Variants in ADCY2 observed in about 807,000 individuals in gnomAD.
The protein encoded by ADCY2 is adenylate cyclase type 2.
A neutral mutation model predicts 125.2 loss-of-function variants in ADCY2; 31 were observed. That is an observed-to-expected ratio of 0.25 (90% CI 0.19 to 0.33). The LOEUF (loss-of-function observed/expected upper bound fraction) is 0.33. ADCY2 is among the 10% of genes least tolerant of loss of function. The pLI is 1.00. For missense variants in ADCY2, 904 were observed against 1,418.2 expected (o/e 0.64, Z 5.82); for synonymous variants, 512 against 548.4 (o/e 0.93, Z 0.93).
At chr5:7,825,015 C>T (rs1745421651) in intron 24 of ADCY2, among the ~76,000 whole-genome samples, 1 of 152,078 alleles carries the variant, frequency 6.6e-6, no homozygotes, top group Non-Finnish European at 1.5e-5. Flanking sequence ...CATAACACCC[C>T]TGTGTGCCAT....
At chr5:7,585,261 T>A (rs1239598935) in intron 3 of ADCY2, among the ~76,000 whole-genome samples, 1 of 152,212 alleles carries the variant, frequency 6.6e-6, no homozygotes, top group Non-Finnish European at 1.5e-5. Flanking sequence ...AGATGAGCAT[T>A]CCCTGTCAAA....
rs869287430 is a variant in ADCY2 at position 7,418,647 on chromosome 5, GTT to G, written c.408+3902_408+3903del. Among the ~76,000 whole-genome samples the G allele has an allele frequency of 9.7e-3, 712 of 73,614 alleles. 4 individuals are homozygous for G. Among genetic ancestry groups the G allele is most frequent in the African/African-American group, 0.042 (664 of 15,932 alleles). 48.3% of individuals were successfully genotyped at this position (73,614 alleles called of 152,430 possible). A position where few individuals can be genotyped will look rare whatever the true frequency, so the allele number is the denominator to read the frequency against. ...AATTAAAAACAAAAGTCTACCTTCT[GTT>G]TTTTTTTTTTTTTTTTTTTTTTTTG... is the stretch of plus-strand genomic sequence containing the variant. On this transcript the variant is annotated intron_variant, in intron 2 of 24. Transcript: ENST00000338316.
chr5:7,507,460 AAGG>A (rs1186802440), intron 2 of ADCY2, among the ~76,000 whole-genome samples: 3 of 148,672 alleles, frequency 2.0e-5, no homozygotes, highest in African/African-American at 7.5e-5. Flanking sequence ...AAAAAAAAAA[AAGG>A]TAACAAAGCC....
At chr5:7,544,813 G>C (rs1433190203) in intron 3 of ADCY2, among the ~76,000 whole-genome samples, 1 of 152,174 alleles carries the variant, frequency 6.6e-6, no homozygotes, top group Admixed American at 6.5e-5. Context: ...TCCTCCTGGA[G>C]ACATGAGAAA....
intron 4 of ADCY2, among the ~76,000 whole-genome samples, chr5:7,658,425 G>A (rs1433921094): frequency 7.0e-6 from 1 of 143,308 alleles, no homozygotes; most frequent in Non-Finnish European, 1.5e-5. Flanking sequence ...GTGTGTGTGT[G>A]TGTGTGTATA....
chr5:7,530,556 GT>G (rs1734606871), intron 3 of ADCY2, among the ~76,000 whole-genome samples: 1 of 151,758 alleles, frequency 6.6e-6, no homozygotes, highest in Non-Finnish European at 1.5e-5. Flanking sequence ...CCGCGAAGCT[GT>G]TTTAAATGAC....
At position 7,727,202 on chromosome 5, in the gene ADCY2, G is replaced by C. The variant is rs757395078; in HGVS notation, c.1812G>C (p.Val604=). The stretch of plus-strand genomic sequence containing the variant: ...CACTGCCAGCGTTCAAGTATTATGT[G>C]ACTTGTGCCTGTCTCATATTCTTCT... The part of the protein sequence containing the change: ...ATALPAFKYY[V]TCACLIFFCI... The change falls in exon 14 of 25, where the codon GTG becomes GTC. Residue 604 remains valine (V), a synonymous_variant. Coordinates refer to ENST00000338316, the MANE Select transcript of ADCY2 (RefSeq NM_020546.3). 41 of 1,614,030 alleles carry C rather than the reference G, an allele frequency of 2.5e-5. No individual in the cohort carries two copies. The highest frequency in any genetic ancestry group is 3.5e-5 in the Non-Finnish European group (41 of 1,180,020).
intron 18 of ADCY2, among the ~76,000 whole-genome samples, chr5:7,774,906 T>G (rs1330511945): frequency 6.6e-6 from 1 of 152,210 alleles, no homozygotes; most frequent in Non-Finnish European, 1.5e-5. Flanking sequence ...ATGAGATGTT[T>G]TCATACATCT....
intron 3 of ADCY2, among the ~76,000 whole-genome samples, chr5:7,603,371 G>A (rs1029626162): frequency 6.6e-6 from 1 of 152,196 alleles, no homozygotes; most frequent in African/African-American, 2.4e-5. Flanking sequence ...AGGTTGTGCT[G>A]GTGTTCACAT....
At chr5:7,650,232 A>G (rs968157839) in intron 4 of ADCY2, among the ~76,000 whole-genome samples, 1 of 151,574 alleles carries the variant, frequency 6.6e-6, no homozygotes, top group Non-Finnish European at 1.5e-5. Flanking sequence ...ACACACACAC[A>G]CACACACACA....
chr5:7,560,700 T>C (rs1310194723), intron 3 of ADCY2, among the ~76,000 whole-genome samples: 3 of 152,144 alleles, frequency 2.0e-5, no homozygotes, highest in African/African-American at 7.2e-5. Context: ...TAACAGGTTT[T>C]TTTTTTGAGA....
intron 15 of ADCY2, among the ~76,000 whole-genome samples, chr5:7,746,756 T>A (rs1012846702): frequency 4.6e-5 from 7 of 152,248 alleles, no homozygotes; most frequent in African/African-American, 1.7e-4. Flanking sequence ...ATTTGTGCTC[T>A]AATACCAGCT....
At position 7,506,789 on chromosome 5, in the gene ADCY2, C is replaced by CTT. The variant is rs70940743; in HGVS notation, c.409-13921_409-13920dup. 1.2e-3 allele frequency among the ~76,000 whole-genome samples: 65 copies of CTT among 55,060 alleles called. 10 individuals carry two copies. Among genetic ancestry groups the CTT allele is most frequent in the East Asian group, 6.5e-3 (12 of 1,850 alleles). 36.1% of individuals were successfully genotyped at this position (55,060 alleles called of 152,430 possible). On this transcript the variant is annotated intron_variant, in intron 2 of 24. Transcript: ENST00000338316. ...AGGGGTAAATGTGTGATGCGTTGCTCTTTTTTTTTTTTTTTTTTTTTTTTT... is the reference window on the plus strand; with the variant it reads ...AGGGGTAAATGTGTGATGCGTTGCTCTTTTTTTTTTTTTTTTTTTTTTTTTTT...
chr5:7,601,275 T>C (rs1490540560), intron 3 of ADCY2, among the ~76,000 whole-genome samples: 2 of 152,156 alleles, frequency 1.3e-5, no homozygotes, highest in Admixed American at 6.5e-5. Flanking sequence ...TAATATTAAG[T>C]TATTAATAGC....
intron 2 of ADCY2, among the ~76,000 whole-genome samples, chr5:7,490,318 G>A (rs548697409): frequency 6.6e-6 from 1 of 152,222 alleles, no homozygotes; most frequent in East Asian, 1.9e-4. Context: ...TATTTTCAAA[G>A]GAGAGTATTT....
At chr5:7,669,172 G>C (rs548030713) in intron 4 of ADCY2, among the ~76,000 whole-genome samples, 56 of 152,332 alleles carry the variant, frequency 3.7e-4, no homozygotes, top group African/African-American at 1.3e-3. Flanking sequence ...AATCAAGAGT[G>C]TAGATGAGCC....
intron 20 of ADCY2, chr5:7,799,870 G>T (rs1744538628): frequency 6.6e-6 from 1 of 152,206 alleles, no homozygotes. Flanking sequence ...CCTGTGTAAT[G>T]AAATGACATG....
At chr5:7,576,524 A>G (rs1736256927) in intron 3 of ADCY2, among the ~76,000 whole-genome samples, 1 of 152,242 alleles carries the variant, frequency 6.6e-6, no homozygotes, top group Non-Finnish European at 1.5e-5. Context: ...AAAAGCTGGT[A>G]TTATAATCCA....
At chr5:7,660,925 G>C (rs759064919) in intron 4 of ADCY2, among the ~76,000 whole-genome samples, 2 of 152,212 alleles carry the variant, frequency 1.3e-5, no homozygotes, top group African/African-American at 2.4e-5. Context: ...GGTGAGGAAA[G>C]ATCCTTGTAC....
Sources: gnomAD v4.1 joint callset for allele counts (sites outside exome capture counted in the v4.1 genomes callset) on GRCh38, gnomAD v4.1.1 for gene constraint, MANE v1.5 for transcripts, NCBI Gene and HGNC (gene_info 2026-07-23, HGNC 2026-07-21) for gene names.